GBE1: variants seen among roughly 807,000 people sequenced by gnomAD.
GBE1 encodes the protein 1,4-alpha-glucan-branching enzyme.
A neutral mutation model predicts 88.8 loss-of-function variants in GBE1; 70 were observed. The ratio of observed to expected loss-of-function variants is 0.79; its 90% CI spans 0.65 to 0.96. The LOEUF (loss-of-function observed/expected upper bound fraction) is 0.96, where lower values mean the gene tolerates loss of function less well. Ranked by LOEUF, GBE1 falls within the 40% of genes least tolerant of loss-of-function variation. GBE1 has a pLI of 0.00. For synonymous variants in GBE1, 284 were observed against 300.1 expected (o/e 0.95, Z 0.56); for missense variants, 872 against 871.0 (o/e 1.00, Z -0.01).
chr3:81,516,011 A>C (rs1702794268), intron 14 of GBE1, among the ~76,000 whole-genome samples: 1 of 151,720 alleles, frequency 6.6e-6, no homozygotes, highest in African/African-American at 2.4e-5. Flanking sequence ...TTTAAGGTGA[A>C]GTAGCAAGTG....
intron 3 of GBE1, among the ~76,000 whole-genome samples, chr3:81,657,726 G>A: frequency 6.6e-6 from 1 of 152,022 alleles, no homozygotes; most frequent in East Asian, 1.9e-4. Flanking sequence ...TTAATTTTCT[G>A]TTAATTTTAT....
At chr3:81,713,468 C>T (rs1705899449) in intron 1 of GBE1, among the ~76,000 whole-genome samples, 1 of 152,116 alleles carries the variant, frequency 6.6e-6, no homozygotes, top group Non-Finnish European at 1.5e-5. Context: ...TCCTTAAAAA[C>T]TTTACAGAGG....
chr3:81,740,281 A>T (rs1559704876), intron 1 of GBE1, among the ~76,000 whole-genome samples: 1 of 116,656 alleles, frequency 8.6e-6, no homozygotes, highest in Non-Finnish European at 1.7e-5. Flanking sequence ...GTTATTTATT[A>T]TTTAATCTAT....
intron 14 of GBE1, among the ~76,000 whole-genome samples, chr3:81,503,025 A>C (rs1011027472): frequency 3.9e-4 from 60 of 152,284 alleles, no homozygotes; most frequent in African/African-American, 1.3e-3. Flanking sequence ...TTTCCCAATA[A>C]AACTTTGAAA....
intron 2 of GBE1, among the ~76,000 whole-genome samples, chr3:81,696,119 AAAG>A (rs1705589618): frequency 1.3e-5 from 2 of 152,200 alleles, no homozygotes; most frequent in South Asian, 4.1e-4. Context: ...TTGAAAATAT[AAAG>A]AATACAAGAC....
chr3:81,708,514 T>C (rs1303823331), intron 1 of GBE1, among the ~76,000 whole-genome samples: 5 of 152,238 alleles, frequency 3.3e-5, no homozygotes, highest in Admixed American at 3.3e-4. Context: ...AAACATATGA[T>C]AGTCTATATG....
At chr3:81,598,322 G>T (rs1359956982) in intron 7 of GBE1, among the ~76,000 whole-genome samples, 1 of 151,762 alleles carries the variant, frequency 6.6e-6, no homozygotes, top group Non-Finnish European at 1.5e-5. Flanking sequence ...ATAAAACCAC[G>T]AATCAAAAAC....
intron 7 of GBE1, among the ~76,000 whole-genome samples, chr3:81,608,597 C>A (rs1333015754): frequency 1.3e-5 from 2 of 152,120 alleles, no homozygotes; most frequent in Non-Finnish European, 2.9e-5. Context: ...TATTCAATGA[C>A]CCCCAAACAA....
At chr3:81,704,134 A>C (rs1485842028) in intron 2 of GBE1, among the ~76,000 whole-genome samples, 1 of 152,016 alleles carries the variant, frequency 6.6e-6, no homozygotes, top group Non-Finnish European at 1.5e-5. Flanking sequence ...ATTAAATATT[A>C]AAATGATAAT....
intron 1 of GBE1, among the ~76,000 whole-genome samples, chr3:81,715,710 T>G (rs1262378184): frequency 6.6e-6 from 1 of 152,152 alleles, no homozygotes; most frequent in Non-Finnish European, 1.5e-5. Context: ...AATTTTCACT[T>G]AACAATCTCA....
At chr3:81,591,962 T>C (rs1029025920) in intron 8 of GBE1, among the ~76,000 whole-genome samples, 5 of 152,144 alleles carry the variant, frequency 3.3e-5, no homozygotes, top group African/African-American at 9.7e-5. Context: ...GCAATATAAC[T>C]ACCAAGTTTC....
chr3:81,535,274 C>T lies in GBE1; in HGVS notation c.1855G>A (p.Ala619Thr). The T allele has an allele frequency of 1.2e-6, 2 of 1,611,340 alleles. No individual in the cohort carries two copies. The highest frequency in any genetic ancestry group is 1.7e-6 in the Non-Finnish European group (2 of 1,178,522). ...EGNKIIAFER[A>T]GLLFIFNFHP... is the part of the protein sequence containing the mutation. ...AAGTTGAAAATGAAAAGAAGACCTG[C>T]TCTTTCAAAAGCAATGATCTTATTG... The change falls in exon 14 of 16, where the codon GCA (alanine) becomes ACA (threonine). Residue 619 changes from alanine (A) to threonine (T), a missense_variant. Ala to Thr is a moderately conservative substitution (Grantham distance 58). Transcript: ENST00000429644.
chr3:81,613,918 G>T, intron 7 of GBE1, among the ~76,000 whole-genome samples: 1 of 147,808 alleles, frequency 6.8e-6, no homozygotes, highest in African/African-American at 2.5e-5. Context: ...AAAACTAAAC[G>T]TGTTCACACA....
intron 12 of GBE1, among the ~76,000 whole-genome samples, chr3:81,566,186 C>G (rs557613630): frequency 1.3e-5 from 2 of 152,278 alleles, no homozygotes; most frequent in Admixed American, 1.3e-4. Flanking sequence ...GAGAACTTTC[C>G]TATATCTTTT....
At chr3:81,653,364 C>T (rs1704878614) in intron 3 of GBE1, among the ~76,000 whole-genome samples, 2 of 151,954 alleles carry the variant, frequency 1.3e-5, no homozygotes, top group South Asian at 4.2e-4. Context: ...TGCATGCATA[C>T]AGTCCTCGTT....
At chr3:81,529,905 C>A (rs572874143) in intron 14 of GBE1, among the ~76,000 whole-genome samples, 1 of 151,910 alleles carries the variant, frequency 6.6e-6, no homozygotes, top group South Asian at 2.1e-4. Flanking sequence ...AAACTTTCTA[C>A]CTGAATGAAT....
chr3:81,582,871 A>G (rs994439102), intron 10 of GBE1, among the ~76,000 whole-genome samples: 4 of 152,102 alleles, frequency 2.6e-5, no homozygotes, highest in Admixed American at 1.3e-4. Context: ...GGAAAAAATG[A>G]TAAACTAGCT....
intron 14 of GBE1, among the ~76,000 whole-genome samples, chr3:81,523,702 T>C (rs1702903781): frequency 6.6e-6 from 1 of 151,690 alleles, no homozygotes; most frequent in Non-Finnish European, 1.5e-5. Context: ...CTCCATGAGA[T>C]CAACTGTTTT....
At chr3:81,694,960 C>A (rs1705570544) in intron 2 of GBE1, among the ~76,000 whole-genome samples, 1 of 152,052 alleles carries the variant, frequency 6.6e-6, no homozygotes, top group Non-Finnish European at 1.5e-5. Context: ...TCACAGTCGC[C>A]AAGACAATGA....
Sources: allele counts gnomAD v4.1 joint callset (sites outside exome capture counted in the v4.1 genomes callset), GRCh38; gene constraint gnomAD v4.1.1; transcripts MANE v1.5; gene names NCBI Gene and HGNC (gene_info 2026-07-23, HGNC 2026-07-21).